The following PXT1 variants were observed in gnomAD, a reference collection of about 807,000 sequenced individuals.
The protein encoded by PXT1 is peroxisomal testis-specific protein 1.
PXT1 carries 11 observed loss-of-function variants against 11.0 expected under a neutral mutation model. That is an observed-to-expected ratio of 1.00 (90% CI 0.63 to 1.66). The LOEUF (loss-of-function observed/expected upper bound fraction) is 1.66, where lower values mean the gene tolerates loss of function less well. PXT1 is among the 40% of genes most tolerant of loss of function. The pLI, the probability that PXT1 is intolerant of heterozygous loss-of-function variation, is 0.00. For synonymous variants in PXT1, 43 were observed against 51.4 expected (o/e 0.84, Z 0.70); for missense variants, 141 against 155.5 (o/e 0.91, Z 0.49).
intron 2 of PXT1, among the ~76,000 whole-genome samples, chr6:36,428,261 C>T (rs1339356405): frequency 6.6e-6 from 1 of 151,898 alleles, no homozygotes; most frequent in Non-Finnish European, 1.5e-5. Context: ...CTGGCTAACA[C>T]GGTGAAACCC....
intron 2 of PXT1, among the ~76,000 whole-genome samples, chr6:36,432,090 A>T (rs192663803): frequency 3.7e-4 from 56 of 152,282 alleles, no homozygotes; most frequent in Admixed American, 9.8e-4. Context: ...AATATTTTTT[A>T]AAAAGTATAT....
chr6:36,396,492 C>G (rs1350915129), intron 4 of PXT1, among the ~76,000 whole-genome samples: 1 of 152,234 alleles, frequency 6.6e-6, no homozygotes, highest in Non-Finnish European at 1.5e-5. Context: ...AATCTCTGAG[C>G]AGGGGTTGGG....
intron 3 of PXT1, among the ~76,000 whole-genome samples, chr6:36,416,835 A>C (rs539618497): frequency 3.3e-5 from 5 of 152,254 alleles, no homozygotes; most frequent in Non-Finnish European, 7.3e-5. Context: ...CTGTGGCTGG[A>C]GGCCAGAATG....
intron 3 of PXT1, among the ~76,000 whole-genome samples, chr6:36,422,725 G>A (rs1240849590): frequency 6.6e-6 from 1 of 152,072 alleles, no homozygotes; most frequent in Admixed American, 6.6e-5. Flanking sequence ...AAAAGCAAAA[G>A]CAAAGCTTCC....
intron 3 of PXT1, among the ~76,000 whole-genome samples, chr6:36,403,179 C>T (rs995546612): frequency 4.6e-5 from 7 of 152,072 alleles, no homozygotes; most frequent in East Asian, 3.9e-4. Context: ...TTAAGCTCCA[C>T]GGGTGGTTCC....
intron 3 of PXT1, among the ~76,000 whole-genome samples, chr6:36,410,460 AAGGAAGGAAATGGG>A (rs1030953569): frequency 5.3e-5 from 8 of 150,800 alleles, no homozygotes; most frequent in Non-Finnish European, 1.0e-4. Context: ...GAAATGAAGG[AAGGAAGGAAATGGG>A]AGGAAGAAAG....
At chr6:36,440,974 C>A (rs1222995635) in intron 1 of PXT1, among the ~76,000 whole-genome samples, 2 of 151,976 alleles carry the variant, frequency 1.3e-5, no homozygotes, top group Non-Finnish European at 2.9e-5. Context: ...TTTTTGTATA[C>A]CACAAATCTG....
At chr6:36,434,266 C>T (rs1006538821) in intron 2 of PXT1, among the ~76,000 whole-genome samples, 2 of 152,052 alleles carry the variant, frequency 1.3e-5, no homozygotes, top group African/African-American at 4.8e-5. Context: ...CCCAGCATGA[C>T]GAATGGAAAA....
intron 4 of PXT1, among the ~76,000 whole-genome samples, chr6:36,396,131 A>G (rs1561924049): frequency 1.3e-5 from 2 of 152,258 alleles, no homozygotes; most frequent in Non-Finnish European, 2.9e-5. Context: ...GGATAGCTAT[A>G]CAGATCAGCG....
At chr6:36,415,727 A>G (rs994124185) in intron 3 of PXT1, among the ~76,000 whole-genome samples, 1 of 152,180 alleles carries the variant, frequency 6.6e-6, no homozygotes, top group African/African-American at 2.4e-5. Context: ...CAGATTGAGG[A>G]GAGAAATTAG....
intron 3 of PXT1, among the ~76,000 whole-genome samples, chr6:36,421,312 T>C (rs2127415441): frequency 6.6e-6 from 1 of 151,992 alleles, no homozygotes; most frequent in Non-Finnish European, 1.5e-5. Flanking sequence ...AAACAAAAAA[T>C]TAGCTGGGCC....
chr6:36,438,485 G>A (rs762188819), intron 2 of PXT1, among the ~76,000 whole-genome samples: 1 of 152,104 alleles, frequency 6.6e-6, no homozygotes, highest in Admixed American at 6.5e-5. Flanking sequence ...GTGCAGTGGC[G>A]TGATCTTAGC....
chr6:36,436,112 C>CCAAAAAAAAAAAAAAAAAAAAAAAGAAAA (rs1774759403), intron 2 of PXT1, among the ~76,000 whole-genome samples: 1 of 25,794 alleles, frequency 3.9e-5, no homozygotes, highest in African/African-American at 1.2e-4. Context: ...AAAAAGTAAG[C>CCAAAAAAAAAAAAAAAAAAAAAAAGAAAA]CAAAAAAAAA....
At chr6:36,407,042 T>C (rs1043310910) in intron 3 of PXT1, among the ~76,000 whole-genome samples, 1 of 152,140 alleles carries the variant, frequency 6.6e-6, no homozygotes, top group Admixed American at 6.6e-5. Flanking sequence ...ACTGTAGGAG[T>C]ATATGTTGGC....
In PXT1 at chr6:36,407,104, C is replaced by T. The variant is rs1032337339; in HGVS notation, c.170-6520G>A. 3.9e-5 allele frequency among the ~76,000 whole-genome samples: 6 copies of T among 152,278 alleles called. No homozygotes were observed. The East Asian group carries it at 5.8e-4, about 15-fold the overall frequency. On this transcript the variant is annotated intron_variant, in intron 3 of 4. Transcript: ENST00000454782. The stretch of plus-strand genomic sequence containing the variant: ...GGAAGTGGAATTTAAAAATTAAGTT[C>T]GTGATACTAGTAGGTTGTGTTTTTA...
intron 2 of PXT1, among the ~76,000 whole-genome samples, chr6:36,432,056 G>A (rs1044080479): frequency 2.6e-5 from 4 of 152,202 alleles, no homozygotes; most frequent in South Asian, 4.1e-4. Flanking sequence ...GGGCCACAGC[G>A]CAAGACTCGT....
At chr6:36,430,048 A>T (rs1355253089) in intron 2 of PXT1, among the ~76,000 whole-genome samples, 1 of 151,920 alleles carries the variant, frequency 6.6e-6, no homozygotes, top group Non-Finnish European at 1.5e-5. Context: ...CTCTACTAAA[A>T]GTACAAAACT....
chr6:36,403,587 G>A (rs1339774117), intron 3 of PXT1, among the ~76,000 whole-genome samples: 1 of 152,026 alleles, frequency 6.6e-6, no homozygotes, highest in Non-Finnish European at 1.5e-5. Flanking sequence ...TAAATTTTAG[G>A]TACTGACTAG....
chr6:36,417,627 G>C (rs1225273738), intron 3 of PXT1, among the ~76,000 whole-genome samples: 1 of 149,620 alleles, frequency 6.7e-6, no homozygotes, highest in Non-Finnish European at 1.5e-5. Flanking sequence ...ACTTAGCCGG[G>C]CGTGGTGGTG....
Sources: gnomAD v4.1 joint callset for allele counts (sites outside exome capture counted in the v4.1 genomes callset) on GRCh38, gnomAD v4.1.1 for gene constraint, MANE v1.5 for transcripts, NCBI Gene and HGNC (gene_info 2026-07-23, HGNC 2026-07-21) for gene names.